The following SRGAP1 variants were observed in gnomAD, a reference collection of about 807,000 sequenced individuals.
SRGAP1 encodes SLIT-ROBO Rho GTPase activating protein 1, also known as SLIT-ROBO Rho GTPase-activating protein 1.
SRGAP1 carries 43 observed loss-of-function variants against 121.9 expected under a neutral mutation model. That is an observed-to-expected ratio of 0.35 (90% CI 0.28 to 0.46). The LOEUF (loss-of-function observed/expected upper bound fraction) is 0.46, where lower values mean the gene tolerates loss of function less well. Ranked by LOEUF, SRGAP1 falls within the 20% of genes least tolerant of loss-of-function variation. SRGAP1 has a pLI of 1.00. For synonymous variants in SRGAP1, 447 were observed against 485.4 expected, an observed-to-expected ratio of 0.92 and a Z score of 1.04; for missense variants, 1,102 against 1,350.9, an observed-to-expected ratio of 0.82 and a Z score of 2.89.
intron 1 of SRGAP1, among the ~76,000 whole-genome samples, chr12:63,881,687 AT>A (rs1411208024): frequency 6.6e-6 from 1 of 152,186 alleles, no homozygotes; most frequent in Non-Finnish European, 1.5e-5. Flanking sequence ...ATGTATGTAG[AT>A]TGTCAGTGTC....
At chr12:64,085,828 T>C (rs1017466358) in intron 10 of SRGAP1, among the ~76,000 whole-genome samples, 1 of 152,214 alleles carries the variant, frequency 6.6e-6, no homozygotes, top group African/African-American at 2.4e-5. Context: ...TTCCCTTCCC[T>C]TCATCCCCAC....
Position 64,148,813 on chromosome 12 carries a change from T to G in SRGAP1, c.*6141T>G, listed in dbSNP as rs2037089115. ...TCTCACGAGCTGACACACTGATGTA[T>G]CCACCACCCAGTTTAAGCAATAGCA... On this transcript the variant is annotated 3_prime_UTR_variant, in exon 22 of 22. Coordinates refer to ENST00000355086, the MANE Select transcript of SRGAP1 (RefSeq NM_020762.4). 6.6e-6 allele frequency: 1 copy of G among 152,208 alleles called. No homozygotes were observed. Among genetic ancestry groups the G allele is most frequent in the African/African-American group, 2.4e-5 (1 of 41,446 alleles). The allele number at this position is 152,208 out of a possible 1,614,324, so 9.4% of individuals were successfully genotyped here.
intron 1 of SRGAP1, among the ~76,000 whole-genome samples, chr12:63,940,617 C>T (rs1345533692): frequency 1.3e-5 from 2 of 152,138 alleles, no homozygotes; most frequent in African/African-American, 2.4e-5. Flanking sequence ...AAATATAGGC[C>T]ACAAGGAGAA....
At chr12:64,138,474 ATG>A (rs1379482184) in intron 21 of SRGAP1, among the ~76,000 whole-genome samples, 7 of 95,334 alleles carry the variant, frequency 7.3e-5, no homozygotes, top group African/African-American at 3.2e-4. Flanking sequence ...TTTTTTGGAG[ATG>A]GAGTCTCACT....
rs1312865994 is a variant in SRGAP1 at position 64,127,869 on chromosome 12, A to G, written c.2549A>G (p.Lys850Arg). 6.2e-7 allele frequency: 1 copy of G among 1,609,476 alleles called. No individual in the cohort carries two copies. The highest frequency in any genetic ancestry group is 1.1e-5 in the South Asian group (1 of 90,754). ...HPDGYLARQRKRGEPPPPVRR... is the reference protein window; with the variant it reads ...HPDGYLARQRRRGEPPPPVRR... Reference sequence around the variant, plus strand: ...TTTCTGTGAATGTCTAGGCAACGAAAAAGAGGAGAGCCACCCCCTCCAGTA... The same window carrying G: ...TTTCTGTGAATGTCTAGGCAACGAAGAAGAGGAGAGCCACCCCCTCCAGTA... Residue 850 changes from lysine to arginine, a missense_variant, in exon 21 of 22, where the codon AAA (lysine) becomes AGA (arginine). Around this residue, in one of 3 missense-constraint regions of SRGAP1, gnomAD observed 315 missense variants for 343.1 expected, o/e 0.92. Transcript: ENST00000355086.
intron 1 of SRGAP1, among the ~76,000 whole-genome samples, chr12:63,904,697 G>A (rs982666820): frequency 5.9e-5 from 9 of 152,298 alleles, no homozygotes; most frequent in South Asian, 4.1e-4. Context: ...TTGGGAGGCC[G>A]AGTTGGGAGG....
At position 64,147,249 on chromosome 12, in the gene SRGAP1, G is replaced by C; in HGVS notation, c.*4577G>C. On this transcript the variant is annotated 3_prime_UTR_variant, in exon 22 of 22. Coordinates refer to ENST00000355086, the MANE Select transcript of SRGAP1 (RefSeq NM_020762.4). Reference sequence around the variant, plus strand: ...TACCGGTAGCTTCCTGCTTGTGACTGTTACCTAATTGTGTCAATGTACATC... The same window carrying C: ...TACCGGTAGCTTCCTGCTTGTGACTCTTACCTAATTGTGTCAATGTACATC... The C allele has an allele frequency of 2.7e-6, 1 of 375,892 alleles. No homozygotes were observed. Among genetic ancestry groups the C allele is most frequent in the Non-Finnish European group, 4.7e-6 (1 of 211,902 alleles). The allele number at this position is 375,892 out of a possible 1,614,324, so 23.3% of individuals were successfully genotyped here.
chr12:64,043,530 C>T lies in SRGAP1; in HGVS notation c.756C>T (p.Ala252=). ...TCCTAACACTTGAAGCCACCAATGC[C>T]TCAGTTTTCAAGTACTATATTCATG... ...EYLLTLEATN[A]SVFKYYIHDL... is the part of the protein sequence containing the mutation. Residue 252 remains alanine (A), a synonymous_variant, in exon 6 of 22, where the codon GCC becomes GCT. Transcript: ENST00000355086. 1 of 1,612,436 alleles carries T rather than the reference C, an allele frequency of 6.2e-7. No homozygotes were observed. The highest frequency in any genetic ancestry group is 8.5e-7 in the Non-Finnish European group (1 of 1,179,086).
Position 64,155,042 on chromosome 12 carries a change from C to A in SRGAP1, c.*12370C>A, listed in dbSNP as rs1220682294. 1 of 151,638 alleles carries A rather than the reference C, an allele frequency of 6.6e-6. No individual in the cohort carries two copies. The highest frequency in any genetic ancestry group is 2.4e-5 in the African/African-American group (1 of 41,272). The allele number at this position is 151,638 out of a possible 1,614,324, so 9.4% of individuals were successfully genotyped here. On this transcript the variant is annotated 3_prime_UTR_variant, in exon 22 of 22. Transcript: ENST00000355086. ...ATTTGTTAAATATATATATTTTTTT[C>A]TTTTTCTTTTTCTTTTTTTTGAGAC...
At chr12:64,018,220 C>G (rs960762376) in intron 4 of SRGAP1, among the ~76,000 whole-genome samples, 2 of 152,082 alleles carry the variant, frequency 1.3e-5, no homozygotes, top group African/African-American at 4.8e-5. Flanking sequence ...TCCAGAGTAG[C>G]TGGGATTACA....
rs556308668 is a variant in SRGAP1, at chr12:63,879,078, C to T, written c.67+34195C>T. Reference sequence around the variant, plus strand: ...GCTGAAGTTATTGGTGATTCTACCTCACTGCAGCCTCAATCTTTCAGTCTC... The same window carrying T: ...GCTGAAGTTATTGGTGATTCTACCTTACTGCAGCCTCAATCTTTCAGTCTC... On this transcript the variant is annotated intron_variant, in intron 1 of 21. Transcript: ENST00000355086. The T allele has an allele frequency of 4.6e-5, 7 of 152,224 alleles. No homozygotes were observed. In the South Asian group the frequency reaches 1.2e-3, roughly 27 times the overall value. 9.4% of individuals were successfully genotyped at this position (152,224 alleles called of 1,614,324 possible). A position where few individuals can be genotyped will look rare whatever the true frequency, so the allele number is the denominator to read the frequency against.
At position 64,127,675 on chromosome 12, in the gene SRGAP1, A is replaced by G. The variant is rs762643394; in HGVS notation, c.2491A>G (p.Lys831Glu). The G allele has an allele frequency of 7.4e-6, 12 of 1,614,032 alleles. No homozygotes were observed. Among genetic ancestry groups the G allele is most frequent in the Non-Finnish European group, 1.0e-5 (12 of 1,180,022 alleles). The part of the protein sequence containing the change: ...GPVTEDKSSS[K>E]DMNSPTDRHP... Reference sequence around the variant, plus strand: ...AGTCACGGAAGACAAGTCCTCATCCAAGGACATGAACTCCCCGACAGACCG... The same window carrying G: ...AGTCACGGAAGACAAGTCCTCATCCGAGGACATGAACTCCCCGACAGACCG... The change falls in exon 20 of 22, where the codon AAG (lysine) becomes GAG (glutamate). Residue 831 changes from lysine to glutamate, a missense_variant. Transcript: ENST00000355086.
At chr12:64,002,736 AAACAATT>A (rs2033940525) in intron 3 of SRGAP1, among the ~76,000 whole-genome samples, 1 of 152,284 alleles carries the variant, frequency 6.6e-6, no homozygotes, top group African/African-American at 2.4e-5. Context: ...AAGGTGTTGG[AAACAATT>A]AACAATAGGA....
intron 14 of SRGAP1, among the ~76,000 whole-genome samples, chr12:64,095,937 C>T (rs768429310): frequency 6.6e-6 from 1 of 152,130 alleles, no homozygotes; most frequent in African/African-American, 2.4e-5. Flanking sequence ...TCGTGTCAGG[C>T]AGACCTAGAA....
chr12:63,999,422 A>G (rs1459856051), intron 3 of SRGAP1, among the ~76,000 whole-genome samples: 1 of 152,196 alleles, frequency 6.6e-6, no homozygotes, highest in African/African-American at 2.4e-5. Context: ...CTCAGTTTGC[A>G]GCTCTTGGAA....
intron 1 of SRGAP1, among the ~76,000 whole-genome samples, chr12:63,977,807 T>TA (rs551054840): frequency 2.2e-3 from 338 of 151,474 alleles, no homozygotes; most frequent in Non-Finnish European, 3.4e-3. Flanking sequence ...AATAGTCATT[T>TA]AAAAAAAAAC....
intron 4 of SRGAP1, among the ~76,000 whole-genome samples, chr12:64,041,398 TTTTTG>T: frequency 8.5e-6 from 1 of 117,136 alleles, no homozygotes; most frequent in Non-Finnish European, 1.7e-5. Flanking sequence ...TTTATTTATT[TTTTTG>T]AGGCAAGGTC....
At chr12:64,138,115 TC>T (rs2036888700) in intron 21 of SRGAP1, among the ~76,000 whole-genome samples, 1 of 152,012 alleles carries the variant, frequency 6.6e-6, no homozygotes, top group Non-Finnish European at 1.5e-5. Flanking sequence ...ATTAAACAGC[TC>T]CCATTTCACC....
chr12:64,005,817 T>C (rs918863123), intron 3 of SRGAP1, among the ~76,000 whole-genome samples: 11 of 152,162 alleles, frequency 7.2e-5, no homozygotes, highest in African/African-American at 2.7e-4. Context: ...TTTTATTTTT[T>C]CTGAAACCTA....
Sources: gnomAD v4.1 joint callset for allele counts (sites outside exome capture counted in the v4.1 genomes callset) on GRCh38, gnomAD v4.1.1 for gene constraint, gnomAD v4.1.1 regional missense constraint, MANE v1.5 for transcripts, NCBI Gene and HGNC (gene_info 2026-07-23, HGNC 2026-07-21) for gene names.